RBFOX3: variants seen among roughly 807,000 people sequenced by gnomAD.
The protein encoded by RBFOX3 is RNA binding protein fox-1 homolog 3.
Under a neutral mutation model 48.7 loss-of-function variants are expected in RBFOX3, and 17 were observed. The ratio of observed to expected loss-of-function variants is 0.35; its 90% CI spans 0.24 to 0.52. The LOEUF (loss-of-function observed/expected upper bound fraction) is 0.52, where lower values mean the gene tolerates loss of function less well. Ranked by LOEUF, RBFOX3 falls within the 20% of genes least tolerant of loss-of-function variation. RBFOX3 has a pLI of 0.94. For missense variants in RBFOX3, 382 were observed against 497.5 expected, an observed-to-expected ratio of 0.77 and a Z score of 2.21; for synonymous variants, 212 against 209.5, an observed-to-expected ratio of 1.01 and a Z score of -0.10.
intron 2 of RBFOX3, among the ~76,000 whole-genome samples, chr17:79,382,411 C>T (rs1275015880): frequency 6.6e-6 from 1 of 152,226 alleles, no homozygotes; most frequent in Non-Finnish European, 1.5e-5. Flanking sequence ...CTTGTCATGA[C>T]AGTGGCAAAA....
At chr17:79,158,236 C>G (rs1331482798) in intron 4 of RBFOX3, among the ~76,000 whole-genome samples, 1 of 152,220 alleles carries the variant, frequency 6.6e-6, no homozygotes, top group African/African-American at 2.4e-5. Context: ...AAACTCCCAG[C>G]CTTCAGAACT....
rs565502684 is a variant in RBFOX3, at chr17:79,263,165, C to T, written c.-73-27360G>A. Among the ~76,000 whole-genome samples, 524 of 152,268 alleles carry T rather than the reference C, an allele frequency of 3.4e-3. 1 individual carries two copies. Among genetic ancestry groups the T allele is most frequent in the Middle Eastern group, 6.8e-3 (2 of 294 alleles). ...CTGACCCAAGTGGATGCTGGGGTAC[C>T]CCCCCGGCTGTGCTGCCTCCCCCAA... On this transcript the variant is annotated intron_variant, in intron 3 of 14. Coordinates refer to ENST00000693108, the MANE Select transcript of RBFOX3 (RefSeq NM_001350451.2).
At chr17:79,369,868 C>T (rs993923592) in intron 2 of RBFOX3, among the ~76,000 whole-genome samples, 1 of 152,198 alleles carries the variant, frequency 6.6e-6, no homozygotes, top group African/African-American at 2.4e-5. Context: ...TCCCCTCTTT[C>T]CCTCTCAAAG....
At chr17:79,268,233 G>A (rs1463477407) in intron 3 of RBFOX3, among the ~76,000 whole-genome samples, 1 of 152,144 alleles carries the variant, frequency 6.6e-6, no homozygotes, top group South Asian at 2.1e-4. Flanking sequence ...AGACCATCTA[G>A]CCAGACCCTG....
chr17:79,333,135 G>A (rs2146400797), intron 2 of RBFOX3, among the ~76,000 whole-genome samples: 1 of 152,194 alleles, frequency 6.6e-6, no homozygotes, highest in African/African-American at 2.4e-5. Flanking sequence ...GACAGAGGAG[G>A]ACAGGCCAGG....
In RBFOX3 at chr17:79,199,867, T is replaced by C. The variant is rs558978315; in HGVS notation, c.-34+35899A>G. Among the ~76,000 whole-genome samples the C allele has an allele frequency of 6.6e-6, 1 of 152,048 alleles. No homozygotes were observed. The highest frequency in any genetic ancestry group is 1.9e-4 in the East Asian group (1 of 5,162). On this transcript the variant is annotated intron_variant, in intron 4 of 14. Coordinates refer to ENST00000693108, the MANE Select transcript of RBFOX3 (RefSeq NM_001350451.2). The surrounding 1 kb of genome is among the most constrained non-coding windows in gnomAD (Gnocchi z 5.1). ...CATCTCAGTTTCCTTATCTATAAAA[T>C]GGGGAGAAAAGGGCCGGACGTGGTG...
At chr17:79,597,111 A>C (rs1459820874) in intron 1 of RBFOX3, among the ~76,000 whole-genome samples, 14 of 152,274 alleles carry the variant, frequency 9.2e-5, no homozygotes, top group African/African-American at 3.4e-4. Context: ...GCTGCCACAC[A>C]CATTCACCCC....
chr17:79,320,626 C>G (rs772842776), intron 2 of RBFOX3, among the ~76,000 whole-genome samples: 11 of 152,188 alleles, frequency 7.2e-5, no homozygotes, highest in Admixed American at 2.0e-4. Context: ...TCCTTTGCAA[C>G]GAAACCACGA....
At chr17:79,357,366 G>A (rs568340142) in intron 2 of RBFOX3, among the ~76,000 whole-genome samples, 3 of 152,334 alleles carry the variant, frequency 2.0e-5, no homozygotes, top group South Asian at 2.1e-4. Flanking sequence ...TGTGGTTCAC[G>A]CCTGTAATCC....
chr17:79,356,288 G>A (rs1264681830), intron 2 of RBFOX3, among the ~76,000 whole-genome samples: 1 of 148,776 alleles, frequency 6.7e-6, no homozygotes. Context: ...GATCCCACCT[G>A]GGCAATGCCA....
intron 4 of RBFOX3, among the ~76,000 whole-genome samples, chr17:79,208,064 C>T (rs2057769015): frequency 6.6e-6 from 1 of 152,130 alleles, no homozygotes; most frequent in East Asian, 1.9e-4. Context: ...TCTCCCCTCA[C>T]GCCCTTCTTC....
chr17:79,285,164 A>C (rs1323683027), intron 3 of RBFOX3, among the ~76,000 whole-genome samples: 1 of 152,186 alleles, frequency 6.6e-6, no homozygotes, highest in Non-Finnish European at 1.5e-5. Context: ...GGCACATCGC[A>C]AAGAACAGCC....
At chr17:79,386,290 AG>A (rs1254337001) in intron 2 of RBFOX3, among the ~76,000 whole-genome samples, 1 of 150,266 alleles carries the variant, frequency 6.7e-6, no homozygotes, top group South Asian at 2.1e-4. Flanking sequence ...CACAGCAGAC[AG>A]GGGCTCCATC....
chr17:79,180,322 T>A (rs1046895078), intron 4 of RBFOX3, among the ~76,000 whole-genome samples: 2 of 152,206 alleles, frequency 1.3e-5, no homozygotes, highest in African/African-American at 4.8e-5. Flanking sequence ...TAATTTCCAG[T>A]GTGAAAGACT....
intron 4 of RBFOX3, among the ~76,000 whole-genome samples, chr17:79,231,159 C>T (rs2060992232): frequency 6.6e-6 from 1 of 152,080 alleles, no homozygotes; most frequent in South Asian, 2.1e-4. Flanking sequence ...GCCAAGGTGG[C>T]TGGAGTTATA....
At chr17:79,336,661 C>T (rs1442185042) in intron 2 of RBFOX3, among the ~76,000 whole-genome samples, 2 of 152,168 alleles carry the variant, frequency 1.3e-5, no homozygotes, top group Non-Finnish European at 2.9e-5. Flanking sequence ...AGGCCCGATC[C>T]CAGCCCTGGC....
chr17:79,624,873 A>G, the RBFOX3 span, among the ~76,000 whole-genome samples: 2 of 127,882 alleles, frequency 1.6e-5, no homozygotes, highest in African/African-American at 5.9e-5. Flanking sequence ...CTTTGGGCAC[A>G]CTCACTGCCA....
chr17:79,130,045 A>G (rs2038416310), intron 4 of RBFOX3, among the ~76,000 whole-genome samples: 1 of 152,138 alleles, frequency 6.6e-6, no homozygotes, highest in East Asian at 1.9e-4. Flanking sequence ...TGCTGGGGAA[A>G]GGCTCAGGAG....
chr17:79,117,704 T>A (rs1599509945), intron 4 of RBFOX3, among the ~76,000 whole-genome samples: 1 of 152,142 alleles, frequency 6.6e-6, no homozygotes, highest in Non-Finnish European at 1.5e-5. Context: ...GCATCCTTCA[T>A]TCAGTTCCTA....
Sources: allele counts gnomAD v4.1 joint callset (sites outside exome capture counted in the v4.1 genomes callset), GRCh38; gene constraint gnomAD v4.1.1; non-coding constraint Gnocchi (gnomAD v3.1); transcripts MANE v1.5; gene names NCBI Gene and HGNC (gene_info 2026-07-23, HGNC 2026-07-21).